The following BRAF variants were observed in gnomAD, a reference collection of about 807,000 sequenced individuals.
The protein encoded by BRAF is serine/threonine-protein kinase B-raf.
A neutral mutation model predicts 104.6 loss-of-function variants in BRAF; 16 were observed. The observed-to-expected ratio is 0.15, with a 90% CI of 0.10 to 0.23. BRAF has a LOEUF of 0.23. Among genes scored for constraint, BRAF ranks in the 10% least tolerant of loss-of-function variants. The pLI, the probability that BRAF is intolerant of heterozygous loss-of-function variation, is 1.00. For missense variants in BRAF, 541 were observed against 937.3 expected (o/e 0.58, Z 5.52); for synonymous variants, 310 against 341.6 (o/e 0.91, Z 1.02).
intron 14 of BRAF, among the ~76,000 whole-genome samples, chr7:140,757,276 T>C (rs1798278304): frequency 6.6e-6 from 1 of 152,136 alleles, no homozygotes; most frequent in African/African-American, 2.4e-5. Flanking sequence ...TGTATATTTC[T>C]CTTTTTTTGG....
intron 8 of BRAF, among the ~76,000 whole-genome samples, chr7:140,793,207 G>A (rs918665500): frequency 1.3e-5 from 2 of 152,184 alleles, no homozygotes; most frequent in East Asian, 1.9e-4. Context: ...AAAGGGAATA[G>A]TCTAAAAGGA....
intron 5 of BRAF, among the ~76,000 whole-genome samples, chr7:140,803,702 TG>T (rs1803362926): frequency 6.6e-6 from 1 of 152,178 alleles, no homozygotes; most frequent in South Asian, 2.1e-4. Flanking sequence ...AGGCAAATGA[TG>T]TAGAACATGA....
intron 5 of BRAF, among the ~76,000 whole-genome samples, chr7:140,804,095 C>T (rs1045701652): frequency 1.3e-5 from 2 of 152,206 alleles, no homozygotes; most frequent in Admixed American, 1.3e-4. Flanking sequence ...CCATGTTGGC[C>T]AGGCTGGTCT....
chr7:140,718,900 A>G (rs563817566), downstream of BRAF, among the ~76,000 whole-genome samples: 1 of 152,342 alleles, frequency 6.6e-6, no homozygotes, highest in East Asian at 1.9e-4. Flanking sequence ...AGTAAATGTT[A>G]GCGTGCGTGT....
chr7:140,787,683 A>G (rs1801532163), intron 8 of BRAF, 99 bp from the exon 9 acceptor site: 2 of 998,584 alleles, frequency 2.0e-6, no homozygotes. Context: ...GAATTATTTT[A>G]TTAATTAAAA....
chr7:140,793,926 T>G (rs563665080), intron 8 of BRAF, among the ~76,000 whole-genome samples: 4 of 152,366 alleles, frequency 2.6e-5, no homozygotes, highest in African/African-American at 9.6e-5. Context: ...ATGCCTGGCC[T>G]GAAATTCTTA....
chr7:140,795,434 T>C lies in BRAF; in HGVS notation c.981-967A>G, dbSNP rs140822151. On this transcript the variant is annotated intron_variant, in intron 7 of 19. Transcript: ENST00000644969. ...AGTGCCAATAAGCTCTCTTCACATA[T>C]TGGTTATCATTCCACCCTATTTTAT... Among the ~76,000 whole-genome samples the C allele has an allele frequency of 1.5e-3, 226 of 152,312 alleles. 2 individuals carry two copies. Among genetic ancestry groups the C allele is most frequent in the African/African-American group, 5.0e-3 (207 of 41,580 alleles).
At chr7:140,814,806 A>G (rs1804681901) in intron 3 of BRAF, among the ~76,000 whole-genome samples, 1 of 146,320 alleles carries the variant, frequency 6.8e-6, no homozygotes, top group Admixed American at 6.9e-5. Flanking sequence ...TATATATTAT[A>G]TATAACATAT....
At chr7:140,855,830 G>A (rs1160037898) in intron 1 of BRAF, among the ~76,000 whole-genome samples, 1 of 151,442 alleles carries the variant, frequency 6.6e-6, no homozygotes, top group Non-Finnish European at 1.5e-5. Context: ...GACCAGCCTG[G>A]CCAACAAGGC....
intron 13 of BRAF, 95 bp downstream of exon 12, chr7:140,777,896 G>A: frequency 8.4e-7 from 1 of 1,185,886 alleles, no homozygotes; most frequent in East Asian, 2.5e-5. Flanking sequence ...TTCATTTTGA[G>A]TAAATCTGTA....
At position 140,924,823 on chromosome 7, in the gene BRAF, GC is replaced by G; in HGVS notation, c.-121del. ...CGGAGGAGCGGGGGGCGCGGGGGGC[GC>G]GGGGAGGAGCGGCCCGGGCGGCGCC... On this transcript the variant is annotated 5_prime_UTR_variant, in exon 1 of 20. Coordinates refer to ENST00000644969, the MANE Select transcript of BRAF (RefSeq NM_001374258.1). The surrounding 1 kb of genome is among the most constrained non-coding windows in gnomAD (Gnocchi z 4.2). 2.7e-6 allele frequency: 1 copy of G among 367,200 alleles called. No individual in the cohort carries two copies. The highest frequency in any genetic ancestry group is 7.9e-5 in the South Asian group (1 of 12,594). The allele number at this position is 367,200 out of a possible 1,614,324, so 22.7% of individuals were successfully genotyped here.
At chr7:140,817,964 A>C (rs531278299) in intron 3 of BRAF, among the ~76,000 whole-genome samples, 70 of 152,368 alleles carry the variant, frequency 4.6e-4, no homozygotes, top group African/African-American at 1.7e-3. Context: ...CCTTGAAATC[A>C]TAATTTTGAA....
intron 14 of BRAF, among the ~76,000 whole-genome samples, chr7:140,773,647 G>C (rs1047209338): frequency 1.2e-4 from 19 of 152,166 alleles, no homozygotes; most frequent in African/African-American, 4.1e-4. Context: ...GCAGTTACCT[G>C]GTGAGTAAGA....
chr7:140,779,165 C>T (rs919220851), intron 12 of BRAF, among the ~76,000 whole-genome samples: 4 of 152,026 alleles, frequency 2.6e-5, no homozygotes, highest in Non-Finnish European at 4.4e-5. Flanking sequence ...TGGTGGTTAC[C>T]CTTGGGAGAG....
chr7:140,800,296 A>C lies in BRAF; in HGVS notation c.980+66T>G, dbSNP rs566221194. 3.1e-6 allele frequency: 5 copies of C among 1,610,260 alleles called. No homozygotes were observed. In the African/African-American group the frequency reaches 6.7e-5, roughly 21 times the overall value. The stretch of plus-strand genomic sequence containing the variant: ...TTAAACATTGGAAAGGTTTCTAATT[A>C]ACCAGGAGATCCAAAAGAAAGCGGT... On this transcript the variant is annotated intron_variant, in intron 7 of 19. Transcript: ENST00000644969.
intron 10 of BRAF, chr7:140,783,586 T>TA (rs1447654372): frequency 5.6e-5 from 13 of 230,544 alleles, no homozygotes; most frequent in South Asian, 1.8e-4. Context: ...CAATCAATAT[T>TA]AAAAAAAAGG....
intron 1 of BRAF, among the ~76,000 whole-genome samples, chr7:140,884,523 C>T (rs1229324248): frequency 6.7e-6 from 1 of 148,636 alleles, no homozygotes; most frequent in African/African-American, 2.5e-5. Context: ...ACTCTGTAGC[C>T]CAGGCAGGAA....
At position 140,824,592 on chromosome 7, in the gene BRAF, G is replaced by A. The variant is rs575817266; in HGVS notation, c.504+10017C>T. ...ACTCTGTACTTTTTTTGACTGCTTT[G>A]GCTATACGGGATTCCTTGAGATACG... On this transcript the variant is annotated intron_variant, in intron 3 of 19. Coordinates refer to ENST00000644969, the MANE Select transcript of BRAF (RefSeq NM_001374258.1). Among the ~76,000 whole-genome samples, 18 of 151,676 alleles carry A rather than the reference G, an allele frequency of 1.2e-4. No homozygotes were observed. The South Asian group carries it at 3.5e-3, about 30-fold the overall frequency.
In BRAF at chr7:140,719,648, C is replaced by T. The variant is rs1795228475; in HGVS notation, c.*6846G>A. On this transcript the variant is annotated 3_prime_UTR_variant, in exon 20 of 20. Coordinates refer to ENST00000644969, the MANE Select transcript of BRAF (RefSeq NM_001374258.1). ...AAAAATAATAAAAGATTCAAGCAAA[C>T]ATTGAGAATAGGGGAAAAGAGGGAG... 1.9e-6 allele frequency: 2 copies of T among 1,062,548 alleles called. No homozygotes were observed. Among genetic ancestry groups the T allele is most frequent in the Non-Finnish European group, 2.3e-6 (2 of 877,220 alleles). 65.8% of individuals were successfully genotyped at this position (1,062,548 alleles called of 1,614,324 possible).
Sources: gnomAD v4.1 joint callset for allele counts (sites outside exome capture counted in the v4.1 genomes callset) on GRCh38, gnomAD v4.1.1 for gene constraint, Gnocchi (gnomAD v3.1) non-coding constraint, MANE v1.5 for transcripts, NCBI Gene and HGNC (gene_info 2026-07-23, HGNC 2026-07-21) for gene names.